SPIN3: variants seen among roughly 807,000 people sequenced by gnomAD.
SPIN3 encodes the protein spindlin-3.
For missense variants in SPIN3, 176 were observed against 196.4 expected (o/e 0.90, Z 0.62); for synonymous variants, 74 against 74.3 (o/e 1.00, Z 0.02).
In SPIN3 at chrX:56,982,017, TACA is replaced by T. The variant is rs1429195181; in HGVS notation, c.*204+2246_*204+2248del. The T allele has an allele frequency of 2.7e-5, 3 of 111,757 alleles. No individual in the cohort carries two copies. The Admixed American group carries it at 2.8e-4, about 11-fold the overall frequency. 9.2% of individuals were successfully genotyped at this position (111,757 alleles called of 1,213,427 possible). On this transcript the variant is annotated intron_variant and NMD_transcript_variant, in intron 3 of 5. Transcript: ENST00000475785. ...TGCTTCCCCGAGTTTGTTCACAATG[TACA>T]GCTCAGTGATGGGTGAAAAAACATC...
rs911816493 is a variant in SPIN3 at position 56,993,981 on chromosome X, A to C, written c.*190T>G. 2.5e-6 allele frequency: 1 copy of C among 403,889 alleles called. No homozygotes were observed. The allele number at this position is 403,889 out of a possible 1,213,427, so 33.3% of individuals were successfully genotyped here. A position where few individuals can be genotyped will look rare whatever the true frequency, so the allele number is the denominator to read the frequency against. On this transcript the variant is annotated 3_prime_UTR_variant, in exon 2 of 2. Coordinates refer to ENST00000374919, the MANE Select transcript of SPIN3 (RefSeq NM_001010862.3). The stretch of plus-strand genomic sequence containing the variant: ...ATCAGTTAAATTGCGGAGAGGAACC[A>C]GTGAAAAGGTTGGACAGATGGGCAA...
chrX:56,975,314 A>T (rs1351881501), downstream of SPIN3: 1 of 111,111 alleles, frequency 9.0e-6, no homozygotes, highest in Non-Finnish European at 1.9e-5. Context: ...GGACAACTGG[A>T]AGGGGGGGTG....
chrX:56,985,790 C>A (rs1924211362), intron 2 of SPIN3, among the ~76,000 whole-genome samples: 1 of 111,891 alleles, frequency 8.9e-6, no homozygotes, highest in South Asian at 3.8e-4. Flanking sequence ...ACCTATGTAG[C>A]TCTAGCTAAA....
Position 56,979,236 on chromosome X carries a change from G to GT in SPIN3, c.*205-577dup, listed in dbSNP as rs750798833. ...GGCTTTTATCCAGCTTGGCCCTGCT[G>GT]TTTTTTTTTCAAGAGGTCTGAGTCT... On this transcript the variant is annotated intron_variant and NMD_transcript_variant, in intron 3 of 5. Transcript: ENST00000475785. 1.5e-4 allele frequency: 16 copies of GT among 108,025 alleles called. 1 individual carries two copies. Among genetic ancestry groups the GT allele is most frequent in the Non-Finnish European group, 1.9e-4 (10 of 51,825 alleles). 8.9% of individuals were successfully genotyped at this position (108,025 alleles called of 1,213,427 possible).
chrX:56,977,263 A>G (rs182048435), intron 5 of SPIN3: 23 of 112,068 alleles, frequency 2.1e-4, no homozygotes, highest in Non-Finnish European at 4.0e-4. Flanking sequence ...TAAGTACACA[A>G]TAAATGTGTA....
intron 3 of SPIN3, chrX:56,983,048 G>C (rs1017521198): frequency 8.9e-6 from 1 of 112,088 alleles, no homozygotes; most frequent in Admixed American, 9.5e-5. Context: ...GGCTGAAAAG[G>C]TGGTCTTCAT....
At chrX:56,978,414 T>TGGAAGGTGAGTTG (rs1924048390) in exon 5 of SPIN3, 3 of 111,853 alleles carry the variant, frequency 2.7e-5, no homozygotes, top group Non-Finnish European at 3.8e-5. Flanking sequence ...GGTTGGAAGG[T>TGGAAGGTGAGTTG]GAGCTGTCTG....
rs755254474 is a variant in SPIN3, at chrX:56,994,933, A to G, written c.15T>C (p.Phe5=). The part of the protein sequence containing the change: MKTP[F]GKAAAGQRSR... ...ACCGCTGCCCTGCAGCTGCCTTTCC[A>G]AACGGGGTCTTCATGCCTGCGAAGA... The change falls in exon 2 of 2, where the codon TTT becomes TTC. Residue 5 remains phenylalanine, a synonymous_variant. Coordinates refer to ENST00000374919, the MANE Select transcript of SPIN3 (RefSeq NM_001010862.3). 3 of 1,193,736 alleles carry G rather than the reference A, an allele frequency of 2.5e-6. No homozygotes were observed. The highest frequency in any genetic ancestry group is 3.7e-5 in the South Asian group (2 of 54,185).
At chrX:56,981,029 A>C (rs1924106284) in intron 3 of SPIN3, among the ~76,000 whole-genome samples, 1 of 107,292 alleles carries the variant, frequency 9.3e-6, no homozygotes, top group African/African-American at 3.4e-5. Context: ...TAATACTGGG[A>C]CAAACAGAGG....
downstream of SPIN3, among the ~76,000 whole-genome samples, chrX:56,986,094 A>G (rs1306651674): frequency 9.0e-6 from 1 of 110,856 alleles, no homozygotes; most frequent in East Asian, 2.8e-4. Flanking sequence ...TATTTTTTTA[A>G]TTGTTAGCCT....
rs1239832674 is a variant in SPIN3, at chrX:56,993,646, G to A, written c.*525C>T. The A allele has an allele frequency of 8.9e-6, 1 of 112,373 alleles. No individual in the cohort carries two copies. Among genetic ancestry groups the A allele is most frequent in the Non-Finnish European group, 1.9e-5 (1 of 53,523 alleles). 9.3% of individuals were successfully genotyped at this position (112,373 alleles called of 1,213,427 possible). On this transcript the variant is annotated 3_prime_UTR_variant, in exon 2 of 2. Coordinates refer to ENST00000374919, the MANE Select transcript of SPIN3 (RefSeq NM_001010862.3). ...AATAGGTGAAAGAACCGGAAAGAGA[G>A]CAAAATTATTAGCCTTACTTTTAGT...
At position 56,990,831 on chromosome X, in the gene SPIN3, T is replaced by C. The variant is rs1431869144; in HGVS notation, c.*3340A>G. On this transcript the variant is annotated 3_prime_UTR_variant, in exon 2 of 2. Coordinates refer to ENST00000374919, the MANE Select transcript of SPIN3 (RefSeq NM_001010862.3). ...TTAAAAAATATACACAGGAATCAAATAGGGATTAAGATATCAGCTTTAATA... is the reference window on the plus strand; with the variant it reads ...TTAAAAAATATACACAGGAATCAAACAGGGATTAAGATATCAGCTTTAATA... 9.2e-6 allele frequency: 1 copy of C among 108,578 alleles called. No individual in the cohort carries two copies. Among genetic ancestry groups the C allele is most frequent in the Non-Finnish European group, 1.9e-5 (1 of 52,350 alleles). The allele number at this position is 108,578 out of a possible 1,213,427, so 8.9% of individuals were successfully genotyped here. A position where few individuals can be genotyped will look rare whatever the true frequency, so the allele number is the denominator to read the frequency against.
At chrX:56,986,979 A>G (rs1924234037), downstream of SPIN3, among the ~76,000 whole-genome samples, 1 of 111,506 alleles carries the variant, frequency 9.0e-6, no homozygotes, top group Admixed American at 9.5e-5. Flanking sequence ...TAAAAATACA[A>G]AATTAACCAG....
At chrX:56,975,496 A>G (rs1923986649), downstream of SPIN3, 2 of 110,923 alleles carry the variant, frequency 1.8e-5, no homozygotes, top group East Asian at 5.7e-4. Flanking sequence ...TTCTTATCAT[A>G]TTTAAGGTCT....
At chrX:56,983,608 G>T (rs767421919) in intron 3 of SPIN3, among the ~76,000 whole-genome samples, 1 of 112,708 alleles carries the variant, frequency 8.9e-6, no homozygotes, top group Admixed American at 9.4e-5. Flanking sequence ...CAGTGTTTAA[G>T]CAAGGGAGGC....
Position 56,994,113 on chromosome X carries a change from G to T in SPIN3, c.*58C>A. 2 of 1,061,124 alleles carry T rather than the reference G, an allele frequency of 1.9e-6. No homozygotes were observed. Among genetic ancestry groups the T allele is most frequent in the Admixed American group, 3.1e-5 (1 of 32,480 alleles). 87.4% of individuals were successfully genotyped at this position (1,061,124 alleles called of 1,213,427 possible). ...TTCTTACAAACTGGAAAGCAATCAA[G>T]ACTTTCTGTGTCTACAGATTTAGAG... On this transcript the variant is annotated 3_prime_UTR_variant, in exon 2 of 2. Transcript: ENST00000374919.
chrX:56,994,619 A>G lies in SPIN3; in HGVS notation c.329T>C (p.Leu110Pro). 1 of 1,211,835 alleles carries G rather than the reference A, an allele frequency of 8.3e-7. No homozygotes were observed. Among genetic ancestry groups the G allele is most frequent in the Non-Finnish European group, 1.1e-6 (1 of 895,500 alleles). Reference sequence around the variant, plus strand: ...TCTAGATGATGCAACTCTATTAGGAAGGACTTCAAGTGATGACACTCTTTC... The same window carrying G: ...TCTAGATGATGCAACTCTATTAGGAGGGACTTCAAGTGATGACACTCTTTC... ...RDERVSSLEV[L>P]PNRVASSRIS... is the part of the protein sequence containing the mutation. The change falls in exon 2 of 2, where the codon CTT becomes CCT. Residue 110 changes from leucine (L) to proline (P), a missense_variant. Physicochemically the swap from Leu to Pro is moderately conservative, Grantham distance 98. Transcript: ENST00000374919.
At chrX:56,990,515 GTTCAT>G (rs199601789), downstream of SPIN3, among the ~76,000 whole-genome samples, 1,308 of 111,871 alleles carry the variant, frequency 0.012, 9 homozygotes, top group African/African-American at 0.04. Flanking sequence ...AAAAATAATT[GTTCAT>G]TTCATTTCTG....
Position 56,992,765 on chromosome X carries a change from C to T in SPIN3, c.*1406G>A. Reference sequence around the variant, plus strand: ...GCTTCTCTCAAAAACCATGCTTGTACTTCAACTTTTCTTTCCTAGGCTTTG... The same window carrying T: ...GCTTCTCTCAAAAACCATGCTTGTATTTCAACTTTTCTTTCCTAGGCTTTG... On this transcript the variant is annotated 3_prime_UTR_variant, in exon 2 of 2. Coordinates refer to ENST00000374919, the MANE Select transcript of SPIN3 (RefSeq NM_001010862.3). 1 of 278,623 alleles carries T rather than the reference C, an allele frequency of 3.6e-6. No homozygotes were observed. The allele number at this position is 278,623 out of a possible 1,213,427, so 23.0% of individuals were successfully genotyped here. A position where few individuals can be genotyped will look rare whatever the true frequency, so the allele number is the denominator to read the frequency against.
Sources: allele counts gnomAD v4.1 joint callset (sites outside exome capture counted in the v4.1 genomes callset), GRCh38; gene constraint gnomAD v4.1.1; transcripts MANE v1.5; gene names NCBI Gene and HGNC (gene_info 2026-07-23, HGNC 2026-07-21).